Variants in TBC1D25 observed in about 807,000 individuals in gnomAD.
TBC1D25 encodes TBC1 domain family member 25.
A neutral mutation model predicts 38.8 loss-of-function variants in TBC1D25; 13 were observed. The observed-to-expected ratio is 0.34, with a 90% CI of 0.22 to 0.53. The LOEUF is 0.53. Ranked by LOEUF, TBC1D25 falls within the 20% of genes least tolerant of loss-of-function variation. The probability of loss-of-function intolerance (pLI) is 0.94; values close to 1 mark genes in which losing one functional copy is unlikely to be tolerated. For synonymous variants in TBC1D25, 225 were observed against 255.6 expected, an observed-to-expected ratio of 0.88 and a Z score of 1.14; for missense variants, 372 against 600.0, an observed-to-expected ratio of 0.62 and a Z score of 3.97.
In TBC1D25 at chrX:48,559,667, G is replaced by T; in HGVS notation, c.759G>T (p.Glu253Asp). The change falls in exon 6 of 6, where the codon GAG becomes GAT. Residue 253 changes from glutamate to aspartate, a missense_variant. Glu to Asp is a conservative substitution (Grantham distance 45). Transcript: ENST00000376771. The stretch of plus-strand genomic sequence containing the variant: ...ATCCAGATGGACTGACAGGCCGAGA[G>T]CGGATGGACTACATGAAACGCAAGA... ...NVYPDGLTGR[E>D]RMDYMKRKSR... 8.3e-7 allele frequency: 1 copy of T among 1,211,970 alleles called. No individual in the cohort carries two copies. Among genetic ancestry groups the T allele is most frequent in the Non-Finnish European group, 1.1e-6 (1 of 895,535 alleles).
At chrX:48,555,674 C>T (rs1050447677) in intron 3 of TBC1D25, among the ~76,000 whole-genome samples, 2 of 111,172 alleles carry the variant, frequency 1.8e-5, no homozygotes, top group African/African-American at 6.5e-5. Flanking sequence ...CCTGCACCAG[C>T]GCCGGTCTCT....
intron 3 of TBC1D25, among the ~76,000 whole-genome samples, chrX:48,552,311 C>T (rs999601710): frequency 1.1e-4 from 12 of 106,787 alleles, no homozygotes; most frequent in African/African-American, 4.1e-4. Flanking sequence ...CTCAGCCTCC[C>T]GAGTAGCTGG....
intron 3 of TBC1D25, among the ~76,000 whole-genome samples, chrX:48,555,960 ATC>A (rs782650581): frequency 9.3e-6 from 1 of 107,650 alleles, no homozygotes; most frequent in African/African-American, 3.4e-5. Context: ...ATTTTCTCCT[ATC>A]TCAGAATAGA....
In TBC1D25 at chrX:48,541,663, C is replaced by A. The variant is rs1003222126; in HGVS notation, c.233+221C>A. The A allele has an allele frequency of 3.4e-5, 15 of 436,090 alleles. No individual in the cohort carries two copies. The Admixed American group carries it at 5.6e-4, about 16-fold the overall frequency. The allele number at this position is 436,090 out of a possible 1,213,427, so 35.9% of individuals were successfully genotyped here. A position where few individuals can be genotyped will look rare whatever the true frequency, so the allele number is the denominator to read the frequency against. On this transcript the variant is annotated intron_variant, in intron 2 of 5. Transcript: ENST00000376771. The stretch of plus-strand genomic sequence containing the variant: ...GGTCAACCTCAGTCTGCAAATATTA[C>A]ATACAATAAGATATTTTGAGAGAGA...
At chrX:48,556,209 T>C (rs782272886) in intron 3 of TBC1D25, among the ~76,000 whole-genome samples, 16 of 110,967 alleles carry the variant, frequency 1.4e-4, no homozygotes, top group Admixed American at 8.8e-4. Flanking sequence ...TTGGGCAGAG[T>C]TCCCTGTGGC....
intron 2 of TBC1D25, among the ~76,000 whole-genome samples, chrX:48,543,491 T>A (rs1602101407): frequency 1.9e-5 from 2 of 106,353 alleles, no homozygotes; most frequent in South Asian, 8.7e-4. Flanking sequence ...CGCCTCAGCC[T>A]CCCAAAGTGC....
At chrX:48,546,038 T>C (rs1161894515) in intron 3 of TBC1D25, among the ~76,000 whole-genome samples, 1 of 109,436 alleles carries the variant, frequency 9.1e-6, no homozygotes, top group Non-Finnish European at 1.9e-5. Flanking sequence ...GGTGAAACCC[T>C]GTCTCTACTA....
chrX:48,558,282 T>C (rs2061992643), intron 3 of TBC1D25, among the ~76,000 whole-genome samples: 1 of 111,824 alleles, frequency 8.9e-6, no homozygotes, highest in Non-Finnish European at 1.9e-5. Context: ...CAAACCTTTT[T>C]GTCATCGTCT....
At chrX:48,555,453 T>C (rs1024754173) in intron 3 of TBC1D25, among the ~76,000 whole-genome samples, 1 of 112,254 alleles carries the variant, frequency 8.9e-6, no homozygotes, top group African/African-American at 3.2e-5. Context: ...ACAAAAGAGT[T>C]TGAAAGTTAG....
chrX:48,542,026 C>CTTTTTTTTTTTT (rs782768482), intron 2 of TBC1D25, among the ~76,000 whole-genome samples: 2 of 87,823 alleles, frequency 2.3e-5, no homozygotes, highest in Non-Finnish European at 2.2e-5. Flanking sequence ...CTTTTTATTT[C>CTTTTTTTTTTTT]TTTTTTTTTT....
intron 3 of TBC1D25, among the ~76,000 whole-genome samples, chrX:48,551,432 A>G (rs1556983242): frequency 1.4e-4 from 15 of 110,158 alleles, no homozygotes; most frequent in Non-Finnish European, 3.8e-5. Context: ...GGTTCAAGCG[A>G]TTCTCCTGCC....
intron 3 of TBC1D25, among the ~76,000 whole-genome samples, chrX:48,549,469 C>A (rs1011351990): frequency 8.9e-6 from 1 of 112,949 alleles, no homozygotes; most frequent in Non-Finnish European, 1.9e-5. Context: ...ACACAGATAT[C>A]TATCTTTTTC....
In TBC1D25 at chrX:48,560,400, G is replaced by C; in HGVS notation, c.1492G>C (p.Gly498Arg). The change falls in exon 6 of 6, where the codon GGG becomes CGG. Residue 498 changes from glycine (G) to arginine (R), a missense_variant. Coordinates refer to ENST00000376771, the MANE Select transcript of TBC1D25 (RefSeq NM_002536.4). Reference sequence around the variant, plus strand: ...CACAGCCAGTCAGGGGCCTGGTGGTGGGGGGCGTCTCCTGAGACAGGCCAG... The same window carrying C: ...CACAGCCAGTCAGGGGCCTGGTGGTCGGGGGCGTCTCCTGAGACAGGCCAG... ...LATASQGPGGGGRLLRQASLD... is the reference protein window; with the variant it reads ...LATASQGPGGRGRLLRQASLD... 1 of 1,211,348 alleles carries C rather than the reference G, an allele frequency of 8.3e-7. No homozygotes were observed. Among genetic ancestry groups the C allele is most frequent in the South Asian group, 1.8e-5 (1 of 56,968 alleles).
chrX:48,558,062 G>A (rs2061990262), intron 3 of TBC1D25, among the ~76,000 whole-genome samples: 3 of 100,575 alleles, frequency 3.0e-5, no homozygotes, highest in Admixed American at 1.1e-4. Context: ...AGTGAGCTAC[G>A]TTCACACCAC....
chrX:48,560,168 C>A lies in TBC1D25; in HGVS notation c.1260C>A (p.Phe420Leu). Residue 420 changes from phenylalanine (F) to leucine (L), a missense_variant, in exon 6 of 6, where the codon TTC becomes TTA. Phe to Leu is a conservative substitution (Grantham distance 22, BLOSUM62 0). Coordinates refer to ENST00000376771, the MANE Select transcript of TBC1D25 (RefSeq NM_002536.4). ...LLLELKREFA[F>L]DDALRMLEVT... is the part of the protein sequence containing the mutation. ...TGGAACTCAAGCGTGAGTTCGCCTT[C>A]GACGATGCCCTCCGCATGCTTGAGG... 2 of 1,208,506 alleles carry A rather than the reference C, an allele frequency of 1.7e-6. No homozygotes were observed. The highest frequency in any genetic ancestry group is 1.1e-6 in the Non-Finnish European group (1 of 893,991).
intron 3 of TBC1D25, among the ~76,000 whole-genome samples, chrX:48,545,929 G>A (rs1188186425): frequency 9.0e-6 from 1 of 111,412 alleles, no homozygotes; most frequent in South Asian, 3.7e-4. Flanking sequence ...GCCCAAATCC[G>A]CTGGGCACGG....
In TBC1D25 at chrX:48,560,332, G is replaced by T; in HGVS notation, c.1424G>T (p.Gly475Val). 2.5e-6 allele frequency: 3 copies of T among 1,211,684 alleles called. No individual in the cohort carries two copies. In the African/African-American group the frequency reaches 5.2e-5, roughly 21 times the overall value. The change falls in exon 6 of 6, where the codon GGT (glycine) becomes GTT (valine). Residue 475 changes from glycine to valine, a missense_variant. Physicochemically the swap from Gly to Val is moderately radical, Grantham distance 109. This residue lies in a region of TBC1D25 where 312 missense variants were observed against 549.3 expected (regional missense o/e 0.57). Coordinates refer to ENST00000376771, the MANE Select transcript of TBC1D25 (RefSeq NM_002536.4). ...VRQRHMLRPA[G>V]GGGSTFEDAV... ...CAGAGGCACATGCTGAGGCCTGCTG[G>T]TGGAGGAGGTAGTACCTTTGAAGAT...
chrX:48,540,884 C>T (rs1417092074), intron 1 of TBC1D25, among the ~76,000 whole-genome samples: 2 of 111,980 alleles, frequency 1.8e-5, no homozygotes, highest in Non-Finnish European at 3.8e-5. Flanking sequence ...GGGATCAGCA[C>T]AATCAATGGC....
At chrX:48,553,673 G>A (rs1556983889) in intron 3 of TBC1D25, among the ~76,000 whole-genome samples, 1 of 91,781 alleles carries the variant, frequency 1.1e-5, no homozygotes, top group African/African-American at 4.2e-5. Flanking sequence ...CGGGAGTGCA[G>A]TGACGTGATC....
Sources: gnomAD v4.1 joint callset for allele counts (sites outside exome capture counted in the v4.1 genomes callset) on GRCh38, gnomAD v4.1.1 for gene constraint, gnomAD v4.1.1 regional missense constraint, MANE v1.5 for transcripts, NCBI Gene and HGNC (gene_info 2026-07-23, HGNC 2026-07-21) for gene names.